The following HYLS1 variants were observed in gnomAD, a reference collection of about 807,000 sequenced individuals.
The protein encoded by HYLS1 is HYLS1 centriolar and ciliogenesis associated.
Under a neutral mutation model 29.4 loss-of-function variants are expected in HYLS1, and 25 were observed. The ratio of observed to expected loss-of-function variants is 0.85; its 90% CI spans 0.62 to 1.19. HYLS1 has a LOEUF of 1.19. Among genes scored for constraint, HYLS1 ranks in the 50% most tolerant of loss-of-function variants. HYLS1 has a pLI of 0.00. For synonymous variants in HYLS1, 128 were observed against 126.7 expected (o/e 1.01, Z -0.07); for missense variants, 352 against 365.1 (o/e 0.96, Z 0.29).
intron 2 of HYLS1, among the ~76,000 whole-genome samples, chr11:125,898,821 GA>G (rs1328991632): frequency 6.6e-6 from 1 of 151,836 alleles, no homozygotes; most frequent in African/African-American, 2.4e-5. Context: ...GACTCAGTCT[GA>G]AGCCAAACTG....
chr11:125,889,213 G>T (rs1944366421), intron 1 of HYLS1, among the ~76,000 whole-genome samples: 1 of 152,262 alleles, frequency 6.6e-6, no homozygotes, highest in East Asian at 1.9e-4. Flanking sequence ...CATTTTTAAT[G>T]GATGCGTGGC....
chr11:125,893,112 G>C (rs1283128093), intron 2 of HYLS1, among the ~76,000 whole-genome samples: 1 of 152,134 alleles, frequency 6.6e-6, no homozygotes. Flanking sequence ...CTAGCCCAAG[G>C]CTTGGCAAAC....
In HYLS1 at chr11:125,900,271, C is replaced by CT; in HGVS notation, c.*8dup. The stretch of plus-strand genomic sequence containing the variant: ...CCTTCCCTCTTTCTCCTTCTTAAAT[C>CT]TTTTTAAACTTCTTTCACAGGATTG... On this transcript the variant is annotated 3_prime_UTR_variant, in exon 3 of 3. Transcript: ENST00000425380. 1 of 1,613,692 alleles carries CT rather than the reference C, an allele frequency of 6.2e-7. No individual in the cohort carries two copies. The highest frequency in any genetic ancestry group is 2.2e-5 in the East Asian group (1 of 44,882).
chr11:125,891,385 CA>C (rs769122872), intron 1 of HYLS1, 37 bp from the exon 2 acceptor site: 3 of 145,622 alleles, frequency 2.1e-5, no homozygotes, highest in Non-Finnish European at 3.0e-5. Context: ...ATCACTGCTT[CA>C]GAGTTAATTT....
At chr11:125,892,765 C>T (rs1352326781) in intron 2 of HYLS1, among the ~76,000 whole-genome samples, 1 of 152,222 alleles carries the variant, frequency 6.6e-6, no homozygotes, top group Non-Finnish European at 1.5e-5. Context: ...CTCTTCCCAT[C>T]CACAGAATAC....
upstream of HYLS1, among the ~76,000 whole-genome samples, chr11:125,884,245 A>G (rs913349563): frequency 6.6e-6 from 1 of 152,242 alleles, no homozygotes; most frequent in Non-Finnish European, 1.5e-5. Context: ...AAAAAGAAAG[A>G]CAAGTAGAAA....
rs753016462 is a variant in HYLS1, at chr11:125,894,109, T to G, written c.-26+2637T>G. ...CCATCTTTGGTCCTATTCCACAGGG[T>G]ACTGGAACAGTGTCCAGTCCTTGTA... On this transcript the variant is annotated intron_variant, in intron 2 of 2. Transcript: ENST00000425380. The G allele has an allele frequency of 6.2e-6, 10 of 1,613,998 alleles. No homozygotes were observed. The Admixed American group carries it at 1.3e-4, about 22-fold the overall frequency.
upstream of HYLS1, among the ~76,000 whole-genome samples, chr11:125,886,548 T>C (rs1449266703): frequency 6.8e-6 from 1 of 146,400 alleles, no homozygotes; most frequent in Non-Finnish European, 1.5e-5. Context: ...ACAGATCTCA[T>C]CCTCAGCAAT....
intron 2 of HYLS1, among the ~76,000 whole-genome samples, chr11:125,892,208 C>T (rs1421617740): frequency 2.0e-5 from 3 of 152,124 alleles, no homozygotes; most frequent in Non-Finnish European, 4.4e-5. Flanking sequence ...TCAAGACAGT[C>T]ATCATAGGTA....
chr11:125,900,530 A>C lies in HYLS1; in HGVS notation c.*262A>C, dbSNP rs2236681. On this transcript the variant is annotated 3_prime_UTR_variant, in exon 3 of 3. Coordinates refer to ENST00000425380, the MANE Select transcript of HYLS1 (RefSeq NM_001134793.2). Reference sequence around the variant, plus strand: ...GTCTTTCTATTTTGTCAAATTAGTAAGGGCCCTTTGTGTCCTGTAACTTTT... The same window carrying C: ...GTCTTTCTATTTTGTCAAATTAGTACGGGCCCTTTGTGTCCTGTAACTTTT... 103,034 of 467,036 alleles carry C rather than the reference A, an allele frequency of 0.22. 12,091 individuals are homozygous for C. Among genetic ancestry groups the C allele is most frequent in the Non-Finnish European group, 0.25 (62,748 of 248,338 alleles). 28.9% of individuals were successfully genotyped at this position (467,036 alleles called of 1,614,324 possible).
At chr11:125,896,647 A>G (rs1363070285) in intron 2 of HYLS1, among the ~76,000 whole-genome samples, 3 of 152,248 alleles carry the variant, frequency 2.0e-5, no homozygotes, top group African/African-American at 7.2e-5. Context: ...CTGATGTTAC[A>G]GATTTTTTTC....
In HYLS1 at chr11:125,900,102, T is replaced by C. The variant is rs1944719670; in HGVS notation, c.734T>C (p.Met245Thr). The C allele has an allele frequency of 8.7e-6, 14 of 1,614,180 alleles. No homozygotes were observed. Among genetic ancestry groups the C allele is most frequent in the African/African-American group, 5.3e-5 (4 of 75,030 alleles). The part of the protein sequence containing the change: ...KELRWGVREQ[M>T]LCRAEPQSKP... ...TTACGCTGGGGTGTCCGAGAGCAGA[T>C]GCTTTGTCGAGCAGAACCCCAATCC... is the stretch of plus-strand genomic sequence containing the variant. Residue 245 changes from methionine to threonine, a missense_variant, in exon 3 of 3, where the codon ATG becomes ACG. Coordinates refer to ENST00000425380, the MANE Select transcript of HYLS1 (RefSeq NM_001134793.2).
Position 125,900,066 on chromosome 11 carries a change from A to G in HYLS1, c.698A>G (p.His233Arg). 4 of 1,614,202 alleles carry G rather than the reference A, an allele frequency of 2.5e-6. No homozygotes were observed. The highest frequency in any genetic ancestry group is 2.7e-5 in the African/African-American group (2 of 75,042). The change falls in exon 3 of 3, where the codon CAT (histidine) becomes CGT (arginine). Residue 233 changes from histidine (H) to arginine (R), a missense_variant. His to Arg is a conservative substitution (Grantham distance 29). Transcript: ENST00000425380. ...WDSIRLPGED[H>R]RKELRWGVRE... Reference sequence around the variant, plus strand: ...TCAATACGTTTACCTGGTGAAGATCATAGAAAGGAATTACGCTGGGGTGTC... The same window carrying G: ...TCAATACGTTTACCTGGTGAAGATCGTAGAAAGGAATTACGCTGGGGTGTC...
upstream of HYLS1, among the ~76,000 whole-genome samples, chr11:125,884,343 C>G (rs746927331): frequency 6.6e-6 from 1 of 152,086 alleles, no homozygotes; most frequent in Non-Finnish European, 1.5e-5. Flanking sequence ...GGCGCGGTGG[C>G]GGGTGCCTGT....
Position 125,895,683 on chromosome 11 carries a change from T to G in HYLS1, c.-25-3661T>G, listed in dbSNP as rs1944561133. ...TGGAGGGAGTACCCGATTGAGAATG[T>G]GGGTATAACGGATCTCTTCAGCAGC... On this transcript the variant is annotated intron_variant, in intron 2 of 2. Coordinates refer to ENST00000425380, the MANE Select transcript of HYLS1 (RefSeq NM_001134793.2). 7 of 1,614,026 alleles carry G rather than the reference T, an allele frequency of 4.3e-6. No individual in the cohort carries two copies. In the East Asian group the frequency reaches 1.6e-4, roughly 36 times the overall value.
chr11:125,896,158 C>A (rs982322663), intron 2 of HYLS1: 1 of 1,614,174 alleles, frequency 6.2e-7, no homozygotes, highest in Non-Finnish European at 8.5e-7. Flanking sequence ...GCTGAATTTT[C>A]TCTAATGTTT....
At chr11:125,898,428 G>GT (rs576541202) in intron 2 of HYLS1, among the ~76,000 whole-genome samples, 57 of 152,278 alleles carry the variant, frequency 3.7e-4, no homozygotes, top group African/African-American at 1.3e-3. Context: ...GCTCACCCCT[G>GT]TAATGGGAGG....
At chr11:125,895,952 A>G in intron 2 of HYLS1, 1 of 1,614,010 alleles carries the variant, frequency 6.2e-7, no homozygotes, top group South Asian at 1.1e-5. Context: ...CACATCGGTG[A>G]TAGTTGGATG....
intron 2 of HYLS1, among the ~76,000 whole-genome samples, chr11:125,898,571 G>A (rs756383250): frequency 1.8e-4 from 27 of 151,966 alleles, no homozygotes; most frequent in Non-Finnish European, 2.8e-4. Flanking sequence ...CAGTTACTCC[G>A]GAGTCTTAGA....
Sources: gnomAD v4.1 joint callset for allele counts (sites outside exome capture counted in the v4.1 genomes callset) on GRCh38, gnomAD v4.1.1 for gene constraint, MANE v1.5 for transcripts, NCBI Gene and HGNC (gene_info 2026-07-23, HGNC 2026-07-21) for gene names.